UPP2: variants seen among roughly 807,000 people sequenced by gnomAD.
The protein encoded by UPP2 is uridine phosphorylase 2, also known as UPase 2.
In UPP2, 23 loss-of-function variants were observed where a neutral mutation model predicts 26.7. That is an observed-to-expected ratio of 0.86 (90% CI 0.62 to 1.22). The LOEUF (loss-of-function observed/expected upper bound fraction) is 1.22, where lower values mean the gene tolerates loss of function less well. Ranked by LOEUF, UPP2 falls within the 50% of genes most tolerant of loss-of-function variation. The pLI, the probability that UPP2 is intolerant of heterozygous loss-of-function variation, is 0.00. For missense variants in UPP2, 387 were observed against 396.7 expected (o/e 0.98, Z 0.21); for synonymous variants, 127 against 141.3 (o/e 0.90, Z 0.72).
Position 158,121,513 on chromosome 2 carries a change from G to A in UPP2, c.559G>A (p.Glu187Lys), listed in dbSNP as rs777081915. The A allele has an allele frequency of 6.8e-6, 11 of 1,613,480 alleles. No homozygotes were observed. The highest frequency in any genetic ancestry group is 2.2e-5 in the East Asian group (1 of 44,862). ...GGACAACATTGTCACCCGAAGTACT[G>A]AACTGGACAAAGAACTGTCTGAAGA... ...ILDNIVTRST[E>K]LDKELSEELF... Residue 187 changes from glutamate (E) to lysine (K), a missense_variant, in exon 5 of 7, where the codon GAA (glutamate) becomes AAA (lysine). Physicochemically the swap from Glu to Lys is moderately conservative, Grantham distance 56. Coordinates refer to ENST00000005756, the MANE Select transcript of UPP2 (RefSeq NM_173355.4).
rs200818827 is a variant in UPP2, at chr2:158,001,957, CAAAAAAAAAAA to C, written c.61+6713_61+6723del. 2.0e-4 allele frequency among the ~76,000 whole-genome samples: 13 copies of C among 65,496 alleles called. 1 individual carries two copies. The South Asian group carries it at 5.7e-3, about 29-fold the overall frequency. The allele number at this position is 65,496 out of a possible 152,430, so 43.0% of individuals were successfully genotyped here. Reference sequence around the variant, plus strand: ...CTGGTTGCCTGGGGAGAATGAGCACCAAAAAAAAAAAAAAAAAAAAAAAAAGAAGAGAGAGA... The same window carrying C: ...CTGGTTGCCTGGGGAGAATGAGCACCAAAAAAAAAAAAAAGAAGAGAGAGA... On this transcript the variant is annotated intron_variant, in intron 2 of 9. Transcript: ENST00000605860.
At chr2:158,065,593 A>T in intron 3 of UPP2, 1 of 563,288 alleles carries the variant, frequency 1.8e-6, no homozygotes, top group Non-Finnish European at 3.4e-6. Context: ...ATACAAGAAC[A>T]TGAGGATTTC....
Position 158,083,470 on chromosome 2 carries a change from C to T in UPP2, c.148-18570C>T, listed in dbSNP as rs567694351. 1.4e-4 allele frequency among the ~76,000 whole-genome samples: 22 copies of T among 151,998 alleles called. 1 individual carries two copies. The South Asian group carries it at 3.2e-3, about 22-fold the overall frequency. On this transcript the variant is annotated intron_variant, in intron 3 of 9. Transcript: ENST00000605860. ...TAACACAAGAACAGAAAACCAAACA[C>T]CGCATGTTTTCACTCTTAAGTGGGA...
intron 5 of UPP2, among the ~76,000 whole-genome samples, chr2:158,121,866 T>C (rs1381922524): frequency 6.6e-6 from 1 of 152,018 alleles, no homozygotes; most frequent in Non-Finnish European, 1.5e-5. Context: ...ATGCAATTAG[T>C]GATGTTCACA....
At position 158,083,968 on chromosome 2, in the gene UPP2, C is replaced by T. The variant is rs1437458809; in HGVS notation, c.148-18072C>T. Among the ~76,000 whole-genome samples, 7 of 151,166 alleles carry T rather than the reference C, an allele frequency of 4.6e-5. No homozygotes were observed. In the East Asian group the frequency reaches 1.2e-3, roughly 25 times the overall value. ...CAATTGAGAATTTTGCTGCTATAAA[C>T]GTGCATGTGTAGGTATCTTTTTCAT... is the stretch of plus-strand genomic sequence containing the variant. On this transcript the variant is annotated intron_variant, in intron 3 of 9. Transcript: ENST00000605860.
chr2:158,050,715 T>A (rs1238668421), intron 3 of UPP2, among the ~76,000 whole-genome samples: 4 of 152,226 alleles, frequency 2.6e-5, no homozygotes, highest in South Asian at 2.1e-4. Flanking sequence ...AGGAATTTTT[T>A]AAAAATGAGT....
At position 158,039,111 on chromosome 2, in the gene UPP2, T is replaced by C. The variant is rs553793306; in HGVS notation, c.147+23225T>C. Among the ~76,000 whole-genome samples, 6 of 152,264 alleles carry C rather than the reference T, an allele frequency of 3.9e-5. No individual in the cohort carries two copies. The South Asian group carries it at 8.3e-4, about 21-fold the overall frequency. ...TCAGGACCGGCTATAGCAAAAATATTTGGGTGCGTGACGTAAGCCATAGTT... is the reference window on the plus strand; with the variant it reads ...TCAGGACCGGCTATAGCAAAAATATCTGGGTGCGTGACGTAAGCCATAGTT... On this transcript the variant is annotated intron_variant, in intron 3 of 9. Coordinates refer to the UPP2 transcript ENST00000605860.
intron 3 of UPP2, among the ~76,000 whole-genome samples, chr2:158,052,111 G>A (rs1682169162): frequency 6.6e-6 from 1 of 152,108 alleles, no homozygotes. Context: ...AATATTATGT[G>A]GGACATACTT....
chr2:158,050,331 T>C (rs1268496278), intron 3 of UPP2, among the ~76,000 whole-genome samples: 2 of 152,120 alleles, frequency 1.3e-5, no homozygotes, highest in African/African-American at 4.8e-5. Context: ...GCAAAGACTC[T>C]AAGTGAAGAC....
intron 1 of UPP2, among the ~76,000 whole-genome samples, chr2:158,103,507 T>A (rs892217816): frequency 1.3e-4 from 20 of 152,300 alleles, no homozygotes; most frequent in Admixed American, 1.1e-3. Context: ...CCCTGGTGGT[T>A]CTGATATGTA....
At chr2:158,111,474 A>G (rs1265288595) in intron 2 of UPP2, among the ~76,000 whole-genome samples, 1 of 152,250 alleles carries the variant, frequency 6.6e-6, no homozygotes, top group African/African-American at 2.4e-5. Context: ...CTGTATCATT[A>G]TCATTATAGA....
At chr2:158,086,996 CTGTTAAGTCCCTTTG>C (rs570583306) in intron 3 of UPP2, among the ~76,000 whole-genome samples, 131 of 152,044 alleles carry the variant, frequency 8.6e-4, no homozygotes, top group African/African-American at 3.0e-3. Flanking sequence ...CTGTAAATAT[CTGTTAAGTCCCTTTG>C]TTCTAAATTA....
chr2:158,060,023 C>T (rs542771974), intron 3 of UPP2, among the ~76,000 whole-genome samples: 2 of 152,268 alleles, frequency 1.3e-5, no homozygotes, highest in East Asian at 3.9e-4. Context: ...CATTAATTAA[C>T]ACATATTATG....
At chr2:158,125,984 A>G (rs1042480138) in intron 6 of UPP2, among the ~76,000 whole-genome samples, 4 of 152,158 alleles carry the variant, frequency 2.6e-5, no homozygotes, top group African/African-American at 9.7e-5. Context: ...TTAAACATAA[A>G]ATGCCGAGTT....
Position 158,123,750 on chromosome 2 carries a change from C to A in UPP2, c.666C>A (p.Gly222=). Residue 222 remains glycine, a splice_region_variant and synonymous_variant, in exon 6 of 7, where the codon GGC becomes GGA. Transcript: ENST00000005756. Reference sequence around the variant, plus strand: ...TAAACGTTCTCCCCTCCCTTTCAGGCCAAGGCCGACTAGATGGAGCACTGT... The same window carrying A: ...TAAACGTTCTCCCCTCCCTTTCAGGACAAGGCCGACTAGATGGAGCACTGT... ...HTMCTYDFYE[G]QGRLDGALCS... is the part of the protein sequence containing the mutation. 1 of 1,613,270 alleles carries A rather than the reference C, an allele frequency of 6.2e-7. No individual in the cohort carries two copies. Among genetic ancestry groups the A allele is most frequent in the South Asian group, 1.1e-5 (1 of 90,960 alleles).
intron 2 of UPP2, among the ~76,000 whole-genome samples, chr2:157,997,224 A>C (rs1272508469): frequency 1.3e-5 from 2 of 152,162 alleles, no homozygotes; most frequent in Non-Finnish European, 2.9e-5. Flanking sequence ...ACACTACATA[A>C]TATTTTGTGT....
At chr2:158,102,232 A>G (rs1170048536) in intron 1 of UPP2, 107 bp downstream of exon 1, 9 of 1,188,376 alleles carry the variant, frequency 7.6e-6, no homozygotes, top group Non-Finnish European at 1.0e-5. Flanking sequence ...AATTTCTTAA[A>G]TGTAGAGATT....
Position 158,135,789 on chromosome 2 carries a change from T to G in UPP2, c.*899T>G, listed in dbSNP as rs1396030791. On this transcript the variant is annotated 3_prime_UTR_variant, in exon 7 of 7. Coordinates refer to ENST00000005756, the MANE Select transcript of UPP2 (RefSeq NM_173355.4). ...TGGGAGGCATGGTGCTCCTCCTGGC[T>G]GCACATGCTCTCTGTGAACTGATCG... 2 of 152,238 alleles carry G rather than the reference T, an allele frequency of 1.3e-5. No individual in the cohort carries two copies. The highest frequency in any genetic ancestry group is 2.9e-5 in the Non-Finnish European group (2 of 68,052). 9.4% of individuals were successfully genotyped at this position (152,238 alleles called of 1,614,324 possible).
At chr2:158,069,144 T>TAA (rs1158693465) in intron 3 of UPP2, among the ~76,000 whole-genome samples, 4 of 152,080 alleles carry the variant, frequency 2.6e-5, no homozygotes. Flanking sequence ...TAGTCGCCTC[T>TAA]GGAACAAATG....
Sources: allele counts gnomAD v4.1 joint callset (sites outside exome capture counted in the v4.1 genomes callset), GRCh38; gene constraint gnomAD v4.1.1; transcripts MANE v1.5; gene names NCBI Gene and HGNC (gene_info 2026-07-23, HGNC 2026-07-21).